The following PRSS23 variants were observed in gnomAD, a reference collection of about 807,000 sequenced individuals.
PRSS23 encodes serine protease 23.
A neutral mutation model predicts 34.7 loss-of-function variants in PRSS23; 25 were observed. That is an observed-to-expected ratio of 0.72 (90% CI 0.53 to 1.01). The LOEUF is 1.01. Among genes scored for constraint, PRSS23 ranks in the 50% least tolerant of loss-of-function variants. The pLI, the probability that PRSS23 is intolerant of heterozygous loss-of-function variation, is 0.00. For missense variants in PRSS23, 445 were observed against 475.6 expected (o/e 0.94, Z 0.60); for synonymous variants, 176 against 186.6 (o/e 0.94, Z 0.46).
Position 86,951,900 on chromosome 11 carries a change from C to A in PRSS23, c.*615C>A, listed in dbSNP as rs1949295777. On this transcript the variant is annotated 3_prime_UTR_variant, in exon 3 of 3. Coordinates refer to the PRSS23 transcript ENST00000533902. ...TGGATGAGAACAGGTTCTGCTGCCT[C>A]TTCAAAATCACAGGATATCCTTTCC... 1 of 1,613,790 alleles carries A rather than the reference C, an allele frequency of 6.2e-7. No homozygotes were observed. Among genetic ancestry groups the A allele is most frequent in the African/African-American group, 1.3e-5 (1 of 75,038 alleles).
intron 2 of PRSS23, among the ~76,000 whole-genome samples, chr11:86,913,111 C>G (rs1432979614): frequency 6.6e-6 from 1 of 152,002 alleles, no homozygotes; most frequent in African/African-American, 2.4e-5. Context: ...TTTGGGCTCC[C>G]TTTCCATTGT....
intron 2 of PRSS23, among the ~76,000 whole-genome samples, chr11:86,879,740 G>C (rs1318525081): frequency 7.5e-6 from 1 of 132,746 alleles, no homozygotes; most frequent in South Asian, 2.5e-4. Flanking sequence ...TCAGCCCCCC[G>C]CCCGGCCAGC....
chr11:86,894,300 G>A (rs1382704869), intron 2 of PRSS23, among the ~76,000 whole-genome samples: 1 of 152,202 alleles, frequency 6.6e-6, no homozygotes, highest in Non-Finnish European at 1.5e-5. Flanking sequence ...ATGAGCCACT[G>A]TGCCCAGCCA....
downstream of PRSS23, among the ~76,000 whole-genome samples, chr11:86,812,483 C>G (rs539875214): frequency 9.5e-4 from 144 of 152,268 alleles, 5 homozygotes; most frequent in South Asian, 0.018. Context: ...AACCAGCTTC[C>G]AGAACAAGAG....
intron 2 of PRSS23, among the ~76,000 whole-genome samples, chr11:86,851,604 A>G (rs1001833572): frequency 6.6e-6 from 1 of 152,230 alleles, no homozygotes; most frequent in Non-Finnish European, 1.5e-5. Context: ...TTTCGACTTC[A>G]TGATCTGATA....
chr11:86,883,466 T>C (rs977903178), intron 2 of PRSS23, among the ~76,000 whole-genome samples: 14 of 152,244 alleles, frequency 9.2e-5, no homozygotes, highest in African/African-American at 3.4e-4. Context: ...ACTGGACTCC[T>C]TCTTTACACT....
chr11:86,892,747 A>G (rs1038417250), intron 2 of PRSS23, among the ~76,000 whole-genome samples: 2 of 152,176 alleles, frequency 1.3e-5, no homozygotes, highest in Admixed American at 6.5e-5. Context: ...ATTATTGCCA[A>G]AAAGGGAAAT....
chr11:86,922,949 A>C (rs1159214954), intron 2 of PRSS23, among the ~76,000 whole-genome samples: 10 of 152,102 alleles, frequency 6.6e-5, no homozygotes, highest in African/African-American at 2.4e-4. Context: ...GTCTGAATTG[A>C]TTGTGCTGTG....
intron 2 of PRSS23, among the ~76,000 whole-genome samples, chr11:86,844,443 A>T (rs557234818): frequency 6.6e-6 from 1 of 152,254 alleles, no homozygotes; most frequent in East Asian, 1.9e-4. Flanking sequence ...ATAGGCCATC[A>T]CTTACTACAC....
chr11:86,890,793 T>C (rs1488215729), intron 2 of PRSS23, among the ~76,000 whole-genome samples: 2 of 152,166 alleles, frequency 1.3e-5, no homozygotes, highest in African/African-American at 4.8e-5. Flanking sequence ...CACTGGGCCA[T>C]GTGGTTATGT....
Position 86,952,274 on chromosome 11 carries a change from C to T in PRSS23, c.*989C>T. 1.9e-6 allele frequency: 3 copies of T among 1,614,206 alleles called. No individual in the cohort carries two copies. The South Asian group carries it at 3.3e-5, about 18-fold the overall frequency. On this transcript the variant is annotated 3_prime_UTR_variant, in exon 3 of 3. Coordinates refer to the PRSS23 transcript ENST00000533902. Reference sequence around the variant, plus strand: ...TAAGGGCACCTCTTCATCACCTGGCCCTTCCATGCACATGTGGTTGTGGTC... The same window carrying T: ...TAAGGGCACCTCTTCATCACCTGGCTCTTCCATGCACATGTGGTTGTGGTC...
At position 86,808,126 on chromosome 11, in the gene PRSS23, C is replaced by T. The variant is rs201331059; in HGVS notation, c.483C>T (p.Thr161=). 301 of 1,614,064 alleles carry T rather than the reference C, an allele frequency of 1.9e-4. No homozygotes were observed. Among genetic ancestry groups the T allele is most frequent in the Non-Finnish European group, 2.4e-4 (288 of 1,180,044 alleles). ...STSVKLSTGC[T]GTLVAEKHVL... is the part of the protein sequence containing the mutation. The stretch of plus-strand genomic sequence containing the variant: ...CAGTGAAGTTATCCACGGGCTGCAC[C>T]GGCACCCTGGTGGCAGAGAAGCATG... Residue 161 remains threonine (T), a synonymous_variant, in exon 2 of 2, where the codon ACC becomes ACT. Coordinates refer to ENST00000280258, the MANE Select transcript of PRSS23 (RefSeq NM_007173.6).
At chr11:86,843,207 T>G (rs1948461398) in intron 2 of PRSS23, among the ~76,000 whole-genome samples, 1 of 152,194 alleles carries the variant, frequency 6.6e-6, no homozygotes, top group South Asian at 2.1e-4. Flanking sequence ...CTGGGAAAAC[T>G]GGTTAGCCAT....
chr11:86,892,054 A>T (rs530163310), intron 2 of PRSS23, among the ~76,000 whole-genome samples: 4 of 152,340 alleles, frequency 2.6e-5, no homozygotes, highest in Non-Finnish European at 2.9e-5. Context: ...GCTGAACTTG[A>T]TCTGTAAAAT....
chr11:86,810,928 A>T lies in PRSS23; in HGVS notation c.*2133A>T, dbSNP rs1368120370. 1 of 167,028 alleles carries T rather than the reference A, an allele frequency of 6.0e-6. No individual in the cohort carries two copies. Among genetic ancestry groups the T allele is most frequent in the African/African-American group, 2.4e-5 (1 of 41,462 alleles). The allele number at this position is 167,028 out of a possible 1,614,324, so 10.3% of individuals were successfully genotyped here. A position where few individuals can be genotyped will look rare whatever the true frequency, so the allele number is the denominator to read the frequency against. On this transcript the variant is annotated 3_prime_UTR_variant, in exon 2 of 2. Coordinates refer to ENST00000280258, the MANE Select transcript of PRSS23 (RefSeq NM_007173.6). Reference sequence around the variant, plus strand: ...TAGACAGAAAAAGAAAAAAGGACTCATGGCATTATTAATATAATTAGTGCT... The same window carrying T: ...TAGACAGAAAAAGAAAAAAGGACTCTTGGCATTATTAATATAATTAGTGCT...
intron 2 of PRSS23, among the ~76,000 whole-genome samples, chr11:86,884,481 G>A (rs10898544): frequency 0.14 from 21,115 of 152,052 alleles, 1,476 homozygotes; most frequent in East Asian, 0.19. Context: ...TGTATTTTTA[G>A]TAGAGACGGG....
chr11:86,800,533 A>C, upstream of PRSS23: 1 of 984,608 alleles, frequency 1.0e-6, no homozygotes, highest in Non-Finnish European at 1.2e-6. Context: ...GCTGCTCGCC[A>C]GCTTGCTCGC....
At chr11:86,951,761 C>T in exon 3 of PRSS23, 1 of 1,614,132 alleles carries the variant, frequency 6.2e-7, no homozygotes, top group Non-Finnish European at 8.5e-7. Context: ...CCATTTGAGT[C>T]CTGCTGCCAA....
At chr11:86,828,193 A>G (rs1272565357) in intron 2 of PRSS23, among the ~76,000 whole-genome samples, 2 of 152,184 alleles carry the variant, frequency 1.3e-5, no homozygotes. Context: ...TTGGGTGCAT[A>G]TATATTTAGG....
Sources: allele counts gnomAD v4.1 joint callset (sites outside exome capture counted in the v4.1 genomes callset), GRCh38; gene constraint gnomAD v4.1.1; transcripts MANE v1.5; gene names NCBI Gene and HGNC (gene_info 2026-07-23, HGNC 2026-07-21).